The following FCHSD2 variants were observed in gnomAD, a reference collection of about 807,000 sequenced individuals.
FCHSD2 encodes the protein F-BAR and double SH3 domains protein 2.
In FCHSD2, 38 loss-of-function variants were observed where a neutral mutation model predicts 108.1. That is an observed-to-expected ratio of 0.35 (90% confidence interval 0.27 to 0.46). FCHSD2 has a LOEUF of 0.46. FCHSD2 is among the 20% of genes least tolerant of loss of function. The probability of loss-of-function intolerance (pLI) is 1.00; values close to 1 mark genes in which losing one functional copy is unlikely to be tolerated. For missense variants in FCHSD2, 751 were observed against 897.8 expected, an observed-to-expected ratio of 0.84 and a Z score of 2.09; for synonymous variants, 279 against 314.7, an observed-to-expected ratio of 0.89 and a Z score of 1.20.
At chr11:73,126,339 TAAAAAAAAA>T (rs61586562) in intron 2 of FCHSD2, among the ~76,000 whole-genome samples, 70 of 27,666 alleles carry the variant, frequency 2.5e-3, no homozygotes, top group Admixed American at 4.2e-3. Context: ...GATTCCATCT[TAAAAAAAAA>T]AAAAAAAAAA....
At chr11:73,120,091 T>C (rs985341619) in intron 2 of FCHSD2, among the ~76,000 whole-genome samples, 31 of 152,048 alleles carry the variant, frequency 2.0e-4, no homozygotes, top group African/African-American at 7.5e-4. Flanking sequence ...ATGAGACTTA[T>C]TCACTACCAC....
chr11:72,870,540 T>C lies in FCHSD2; in HGVS notation c.1147-2514A>G, dbSNP rs914263656. ...ATAAACTACTGTGTCTCTTTAATAA[T>C]AATAATTTTTAATATAAAAGAACTT... On this transcript the variant is annotated intron_variant, in intron 12 of 19. Transcript: ENST00000409418. Among the ~76,000 whole-genome samples, 3 of 152,036 alleles carry C rather than the reference T, an allele frequency of 2.0e-5. No homozygotes were observed. In the East Asian group the frequency reaches 5.8e-4, roughly 29 times the overall value.
intron 3 of FCHSD2, among the ~76,000 whole-genome samples, chr11:73,052,522 A>C (rs998163878): frequency 1.3e-5 from 2 of 152,186 alleles, no homozygotes; most frequent in African/African-American, 4.8e-5. Flanking sequence ...CTTCACTGAG[A>C]GAGGATATGA....
intron 4 of FCHSD2, among the ~76,000 whole-genome samples, chr11:73,005,934 G>C (rs1857730898): frequency 6.7e-6 from 1 of 149,214 alleles, no homozygotes; most frequent in African/African-American, 2.5e-5. Context: ...AAAGAGGCAG[G>C]GTCTTGTTCT....
chr11:73,071,544 A>T (rs890954183), intron 3 of FCHSD2, among the ~76,000 whole-genome samples: 16 of 151,632 alleles, frequency 1.1e-4, no homozygotes, highest in Non-Finnish European at 8.8e-5. Context: ...ACAAAAAAAA[A>T]AAAAAAATTA....
At chr11:73,066,336 CA>C (rs1859291761) in intron 3 of FCHSD2, among the ~76,000 whole-genome samples, 1 of 152,134 alleles carries the variant, frequency 6.6e-6, no homozygotes, top group Admixed American at 6.5e-5. Context: ...ACACCTTATA[CA>C]AAAATCAGCT....
At chr11:73,078,681 A>T (rs1244332924) in intron 3 of FCHSD2, among the ~76,000 whole-genome samples, 3 of 151,964 alleles carry the variant, frequency 2.0e-5, no homozygotes, top group African/African-American at 7.2e-5. Context: ...TATGAATATT[A>T]ACTGCTTCTG....
At chr11:72,908,410 G>A (rs551075314) in intron 9 of FCHSD2, among the ~76,000 whole-genome samples, 76 of 152,304 alleles carry the variant, frequency 5.0e-4, no homozygotes, top group African/African-American at 1.7e-3. Flanking sequence ...CAGTGAGATT[G>A]CTGAATCATA....
At chr11:72,844,270 G>T (rs568802203) in intron 14 of FCHSD2, among the ~76,000 whole-genome samples, 1 of 152,282 alleles carries the variant, frequency 6.6e-6, no homozygotes, top group Admixed American at 6.5e-5. Context: ...AAAATGCAAA[G>T]AACTATGTAC....
At chr11:73,104,088 A>T (rs1320021804) in intron 2 of FCHSD2, among the ~76,000 whole-genome samples, 1 of 152,266 alleles carries the variant, frequency 6.6e-6, no homozygotes, top group Non-Finnish European at 1.5e-5. Context: ...CACAGAACTC[A>T]TCTTAAATGC....
chr11:73,093,498 T>C (rs1391634265), intron 2 of FCHSD2, among the ~76,000 whole-genome samples: 2 of 152,138 alleles, frequency 1.3e-5, no homozygotes, highest in African/African-American at 2.4e-5. Flanking sequence ...TTGAGAGCTG[T>C]CTTAGAAGAG....
intron 2 of FCHSD2, among the ~76,000 whole-genome samples, chr11:73,115,812 T>C (rs925370599): frequency 6.6e-6 from 1 of 152,246 alleles, no homozygotes; most frequent in Non-Finnish European, 1.5e-5. Flanking sequence ...TTTCAACTAA[T>C]TGTGAGACAT....
In FCHSD2 at chr11:73,045,159, A is replaced by G. The variant is rs564061360; in HGVS notation, c.166-29274T>C. On this transcript the variant is annotated intron_variant, in intron 3 of 19. Coordinates refer to ENST00000409418, the MANE Select transcript of FCHSD2 (RefSeq NM_014824.3). ...AGACATTTATGCAGCCAAAAAACAC[A>G]TGAAAAAATGCTCATCATCACTGGC... 2.2e-3 allele frequency among the ~76,000 whole-genome samples: 338 copies of G among 152,240 alleles called. 1 individual carries two copies. The highest frequency in any genetic ancestry group is 7.7e-3 in the African/African-American group (321 of 41,548).
intron 3 of FCHSD2, among the ~76,000 whole-genome samples, chr11:73,070,093 T>A (rs191872423): frequency 7.2e-5 from 11 of 152,306 alleles, no homozygotes; most frequent in African/African-American, 2.2e-4. Flanking sequence ...AAAGGAAACT[T>A]ATCAGTAACA....
chr11:73,038,711 C>CA (rs1233758907), intron 3 of FCHSD2, among the ~76,000 whole-genome samples: 1 of 152,098 alleles, frequency 6.6e-6, no homozygotes, highest in Non-Finnish European at 1.5e-5. Flanking sequence ...GGGAGTGAGG[C>CA]AGGGGCAAGG....
chr11:73,070,598 G>A (rs1859411380), intron 3 of FCHSD2, among the ~76,000 whole-genome samples: 1 of 151,684 alleles, frequency 6.6e-6, no homozygotes, highest in African/African-American at 2.4e-5. Flanking sequence ...TAATTTTTTT[G>A]TATTTTTAGT....
chr11:72,975,832 G>C (rs1857094335), intron 8 of FCHSD2, among the ~76,000 whole-genome samples: 1 of 152,070 alleles, frequency 6.6e-6, no homozygotes, highest in Non-Finnish European at 1.5e-5. Context: ...AGAAATATTT[G>C]TCTAGAAATA....
At chr11:72,914,101 G>A (rs4373969) in intron 9 of FCHSD2, among the ~76,000 whole-genome samples, 150,905 of 152,266 alleles carry the variant, frequency 0.99, 74,778 homozygotes, top group East Asian at 1. Context: ...TGCAAACTGC[G>A]CTTCCTGGGT....
At chr11:72,901,689 T>TA (rs546493264) in intron 10 of FCHSD2, among the ~76,000 whole-genome samples, 1 of 151,458 alleles carries the variant, frequency 6.6e-6, no homozygotes, top group East Asian at 1.9e-4. Context: ...TCTGCTACCA[T>TA]AAAAAAAATG....
Sources: allele counts gnomAD v4.1 joint callset (sites outside exome capture counted in the v4.1 genomes callset), GRCh38; gene constraint gnomAD v4.1.1; transcripts MANE v1.5; gene names NCBI Gene and HGNC (gene_info 2026-07-23, HGNC 2026-07-21).